SCD5: variants seen among roughly 807,000 people sequenced by gnomAD.
The protein encoded by SCD5 is stearoyl-CoA desaturase 5, also known as acyl-CoA-desaturase 4.
SCD5 carries 20 observed loss-of-function variants against 30.4 expected under a neutral mutation model. The observed-to-expected ratio is 0.66, with a 90% CI of 0.46 to 0.96. The LOEUF (loss-of-function observed/expected upper bound fraction) is 0.96, where lower values mean the gene tolerates loss of function less well. Ranked by LOEUF, SCD5 falls within the 40% of genes least tolerant of loss-of-function variation. The pLI, the probability that SCD5 is intolerant of heterozygous loss-of-function variation, is 0.00. For missense variants in SCD5, 381 were observed against 443.3 expected (o/e 0.86, Z 1.26); for synonymous variants, 173 against 176.4 (o/e 0.98, Z 0.16).
chr4:82,741,843 T>G (rs11737445), intron 1 of SCD5, among the ~76,000 whole-genome samples: 2 of 90,800 alleles, frequency 2.2e-5, no homozygotes, highest in African/African-American at 1.0e-4. Context: ...TGAAAAGGGG[T>G]CAGAGTGGGC....
At chr4:82,685,958 T>C (rs1213897503) in intron 2 of SCD5, among the ~76,000 whole-genome samples, 1 of 152,114 alleles carries the variant, frequency 6.6e-6, no homozygotes, top group South Asian at 2.1e-4. Flanking sequence ...TAGCCACACG[T>C]AGCTAGTGAC....
chr4:82,713,212 C>A (rs745414836), intron 1 of SCD5, among the ~76,000 whole-genome samples: 4 of 152,152 alleles, frequency 2.6e-5, no homozygotes, highest in Non-Finnish European at 4.4e-5. Context: ...ACATTTCATG[C>A]CTTTTATACA....
intron 3 of SCD5, among the ~76,000 whole-genome samples, chr4:82,641,322 G>C (rs1404623173): frequency 6.6e-6 from 1 of 151,520 alleles, no homozygotes; most frequent in Non-Finnish European, 1.5e-5. Flanking sequence ...TTGTGGAGCA[G>C]GGGTATACTG....
chr4:82,696,715 T>C (rs989306574), intron 2 of SCD5, among the ~76,000 whole-genome samples: 3 of 152,140 alleles, frequency 2.0e-5, no homozygotes, highest in Non-Finnish European at 4.4e-5. Flanking sequence ...TGCAATATAA[T>C]CAGTGGGTTG....
intron 1 of SCD5, among the ~76,000 whole-genome samples, chr4:82,706,833 T>C (rs1203665344): frequency 1.3e-5 from 2 of 152,224 alleles, no homozygotes; most frequent in Non-Finnish European, 2.9e-5. Context: ...GCACAGTGTG[T>C]CCTAGTTACC....
intron 1 of SCD5, among the ~76,000 whole-genome samples, chr4:82,733,494 A>G (rs1720686501): frequency 6.6e-6 from 1 of 152,254 alleles, no homozygotes; most frequent in Non-Finnish European, 1.5e-5. Context: ...GTGGTTGTGA[A>G]GATTAAATAG....
intron 3 of SCD5, among the ~76,000 whole-genome samples, chr4:82,655,637 G>A (rs1727853977): frequency 6.6e-6 from 1 of 152,192 alleles, no homozygotes; most frequent in Non-Finnish European, 1.5e-5. Context: ...GAATTCTTAA[G>A]GCTAAGGAGT....
At chr4:82,741,758 T>C (rs1374204872) in intron 1 of SCD5, among the ~76,000 whole-genome samples, 1 of 148,306 alleles carries the variant, frequency 6.7e-6, no homozygotes, top group Admixed American at 7.0e-5. Flanking sequence ...ACAGACCCCC[T>C]TACACAGAAT....
chr4:82,771,533 G>A (rs1721622940), intron 1 of SCD5, among the ~76,000 whole-genome samples: 1 of 152,222 alleles, frequency 6.6e-6, no homozygotes, highest in Non-Finnish European at 1.5e-5. Flanking sequence ...GAAAAATACA[G>A]TTACTGTATT....
In SCD5 at chr4:82,685,727, C is replaced by CA. The variant is rs1424166228; in HGVS notation, c.364-4816dup. On this transcript the variant is annotated intron_variant, in intron 2 of 4. Transcript: ENST00000319540. ...ACTCTGTCTCAAAAAACAAAACAAA[C>CA]AAAAAAAAAAACTAAAAACAAAAAA... 9.9e-3 allele frequency among the ~76,000 whole-genome samples: 1,265 copies of CA among 127,730 alleles called. 9 individuals are homozygous for CA. Among genetic ancestry groups the CA allele is most frequent in the African/African-American group, 0.011 (396 of 34,660 alleles). The allele number at this position is 127,730 out of a possible 152,430, so 83.8% of individuals were successfully genotyped here.
At position 82,772,411 on chromosome 4, in the gene SCD5, T is replaced by A. The variant is rs1721644912; in HGVS notation, c.232+25895A>T. ...CTGGCCAATTATAGCACCCCACCGT[T>A]CTGTCAATAACTCTTGAGCAGCCAC... On this transcript the variant is annotated intron_variant, in intron 1 of 4. Coordinates refer to ENST00000319540, the MANE Select transcript of SCD5 (RefSeq NM_001037582.3). Among the ~76,000 whole-genome samples the A allele has an allele frequency of 2.6e-5, 4 of 152,346 alleles. No homozygotes were observed. In the South Asian group the frequency reaches 8.3e-4, roughly 32 times the overall value.
At chr4:82,764,071 C>A (rs866798914) in intron 1 of SCD5, among the ~76,000 whole-genome samples, 101 of 152,140 alleles carry the variant, frequency 6.6e-4, no homozygotes, top group African/African-American at 2.3e-3. Context: ...TATCATTGGG[C>A]CTCACTTTTT....
At chr4:82,726,742 T>C (rs1363381388) in intron 1 of SCD5, among the ~76,000 whole-genome samples, 1 of 152,168 alleles carries the variant, frequency 6.6e-6, no homozygotes, top group Non-Finnish European at 1.5e-5. Context: ...ACTGAAGTGT[T>C]CTACACCCCC....
chr4:82,700,925 T>A (rs1223172126), intron 2 of SCD5, among the ~76,000 whole-genome samples: 17 of 150,092 alleles, frequency 1.1e-4, no homozygotes, highest in African/African-American at 3.9e-4. Flanking sequence ...AAAAATTATA[T>A]CAGAAACCTG....
chr4:82,731,399 C>T (rs1370596354), intron 1 of SCD5, among the ~76,000 whole-genome samples: 1 of 152,226 alleles, frequency 6.6e-6, no homozygotes, highest in African/African-American at 2.4e-5. Flanking sequence ...TCTCTCCCTA[C>T]TCCAAGGGTA....
intron 1 of SCD5, among the ~76,000 whole-genome samples, chr4:82,785,959 C>T (rs906272542): frequency 6.6e-6 from 1 of 152,148 alleles, no homozygotes; most frequent in Admixed American, 6.5e-5. Context: ...AAGCTTCTTA[C>T]GAACCTATTA....
rs762179166 is a variant in SCD5, at chr4:82,739,776, C to T, written c.233-34363G>A. 4.6e-5 allele frequency among the ~76,000 whole-genome samples: 7 copies of T among 152,184 alleles called. No individual in the cohort carries two copies. The East Asian group carries it at 5.8e-4, about 13-fold the overall frequency. ...TAGCCATGCTGATCGTGAAAAGCCA[C>T]GATGAAAACTTGATAATTTTTTTAG... On this transcript the variant is annotated intron_variant, in intron 1 of 4. Coordinates refer to ENST00000319540, the MANE Select transcript of SCD5 (RefSeq NM_001037582.3).
intron 2 of SCD5, among the ~76,000 whole-genome samples, chr4:82,687,199 AAAGAAAAGAAAG>A (rs1728730628): frequency 7.3e-6 from 1 of 136,734 alleles, no homozygotes; most frequent in Non-Finnish European, 1.5e-5. Flanking sequence ...AGAAAGAAAG[AAAGAAAAGAAAG>A]AAAGAAAGAA....
chr4:82,792,892 C>A (rs142287322), intron 1 of SCD5, among the ~76,000 whole-genome samples: 10 of 152,340 alleles, frequency 6.6e-5, no homozygotes, highest in Non-Finnish European at 4.4e-5. Flanking sequence ...CTCTCTTTCT[C>A]ATTTCATGGT....
Sources: allele counts gnomAD v4.1 joint callset (sites outside exome capture counted in the v4.1 genomes callset), GRCh38; gene constraint gnomAD v4.1.1; transcripts MANE v1.5; gene names NCBI Gene and HGNC (gene_info 2026-07-23, HGNC 2026-07-21).